The following FASTKD1 variants were observed in gnomAD, a reference collection of about 807,000 sequenced individuals.
FASTKD1 encodes the protein FAST kinase domains 1.
In FASTKD1, 94 loss-of-function variants were observed where a neutral mutation model predicts 90.9. The ratio of observed to expected loss-of-function variants is 1.03; its 90% CI spans 0.88 to 1.23. FASTKD1 has a LOEUF of 1.23. Among genes scored for constraint, FASTKD1 ranks in the 50% most tolerant of loss-of-function variants. The pLI, the probability that FASTKD1 is intolerant of heterozygous loss-of-function variation, is 0.00. For missense variants in FASTKD1, 945 were observed against 993.5 expected (o/e 0.95, Z 0.66); for synonymous variants, 319 against 345.8 (o/e 0.92, Z 0.86).
At chr2:169,544,334 C>T (rs960931469) in intron 9 of FASTKD1, among the ~76,000 whole-genome samples, 3 of 152,146 alleles carry the variant, frequency 2.0e-5, no homozygotes, top group Non-Finnish European at 4.4e-5. Context: ...CTTTGGGAAG[C>T]CTTGGCGGGT....
At chr2:169,558,709 C>T (rs1683441980) in intron 5 of FASTKD1, among the ~76,000 whole-genome samples, 1 of 152,126 alleles carries the variant, frequency 6.6e-6, no homozygotes, top group Admixed American at 6.6e-5. Context: ...CCTCAGCCTC[C>T]CAAGGTGCTG....
At chr2:169,530,763 C>A in intron 13 of FASTKD1, 62 bp from the exon 14 acceptor site, 1 of 881,484 alleles carries the variant, frequency 1.1e-6, no homozygotes, top group East Asian at 2.5e-5. Flanking sequence ...TAATTACAAG[C>A]TTTTCAGAAA....
intron 12 of FASTKD1, 156 bp downstream of exon 12, chr2:169,537,071 A>G (rs1275341798): frequency 2.1e-6 from 1 of 476,578 alleles, no homozygotes; most frequent in East Asian, 3.9e-5. Context: ...TTGAGGATTT[A>G]TTCTATTGCT....
chr2:169,570,543 T>C (rs1299404006), intron 2 of FASTKD1, among the ~76,000 whole-genome samples: 4 of 152,302 alleles, frequency 2.6e-5, no homozygotes, highest in African/African-American at 9.6e-5. Context: ...TTAAGGGCTA[T>C]TATTGAGAAA....
Position 169,554,814 on chromosome 2 carries a change from C to T in FASTKD1, c.1214+310G>A, listed in dbSNP as rs184829520. ...ATGCTCCCAAATGGAGTTTAACTTT[C>T]GTCAGCAGTCCCAATCTTTTCATGG... On this transcript the variant is annotated intron_variant, in intron 7 of 14. Coordinates refer to ENST00000453153, the MANE Select transcript of FASTKD1 (RefSeq NM_024622.6). Among the ~76,000 whole-genome samples the T allele has an allele frequency of 9.2e-5, 14 of 152,282 alleles. No homozygotes were observed. In the East Asian group the frequency reaches 2.7e-3, roughly 29 times the overall value.
chr2:169,532,121 T>C lies in FASTKD1; in HGVS notation c.2189-631A>G, dbSNP rs139758287. On this transcript the variant is annotated intron_variant, in intron 12 of 14. Coordinates refer to ENST00000453153, the MANE Select transcript of FASTKD1 (RefSeq NM_024622.6). Reference sequence around the variant, plus strand: ...ATACGAACCCACTGATGAGTCTTAATGTATAAAAGACAACCAGGCCAGGCA... The same window carrying C: ...ATACGAACCCACTGATGAGTCTTAACGTATAAAAGACAACCAGGCCAGGCA... Among the ~76,000 whole-genome samples, 919 of 152,224 alleles carry C rather than the reference T, an allele frequency of 6.0e-3. 7 individuals are homozygous for C. Among genetic ancestry groups the C allele is most frequent in the African/African-American group, 0.021 (886 of 41,542 alleles).
chr2:169,543,490 T>G (rs1177382298), intron 9 of FASTKD1, among the ~76,000 whole-genome samples: 2 of 152,032 alleles, frequency 1.3e-5, no homozygotes, highest in Non-Finnish European at 2.9e-5. Flanking sequence ...AAAGATAATT[T>G]GGTGACTCGG....
At chr2:169,543,070 T>C (rs1479277421) in intron 9 of FASTKD1, among the ~76,000 whole-genome samples, 4 of 152,152 alleles carry the variant, frequency 2.6e-5, no homozygotes, top group African/African-American at 9.7e-5. Flanking sequence ...AAATCCAGAA[T>C]GTGGCACAAT....
chr2:169,554,595 C>T (rs1262696969), intron 7 of FASTKD1, among the ~76,000 whole-genome samples: 7 of 112,646 alleles, frequency 6.2e-5, no homozygotes, highest in Admixed American at 1.6e-4. Context: ...ACTGGGGAGG[C>T]GGAGGTTGCA....
At chr2:169,538,452 G>A (rs1187891054) in intron 10 of FASTKD1, among the ~76,000 whole-genome samples, 6 of 151,706 alleles carry the variant, frequency 4.0e-5, no homozygotes, top group South Asian at 4.2e-4. Flanking sequence ...TGAGGTGGGC[G>A]GATCACCTGA....
intron 4 of FASTKD1, among the ~76,000 whole-genome samples, chr2:169,561,065 G>A (rs553241878): frequency 5.3e-5 from 8 of 151,048 alleles, no homozygotes; most frequent in African/African-American, 1.2e-4. Flanking sequence ...TTGGGAGGCC[G>A]AGGTGGGCAG....
rs763315607 is a variant in FASTKD1, at chr2:169,546,524, A to T, written c.1395T>A (p.Asp465Glu). 6.2e-7 allele frequency: 1 copy of T among 1,614,128 alleles called. No homozygotes were observed. Among genetic ancestry groups the T allele is most frequent in the Non-Finnish European group, 8.5e-7 (1 of 1,180,024 alleles). ...CAGTCATATTATCCAAATACATGTG[A>T]TCATGCTGAATCCATCTTAAAACAG... Reference protein sequence around the residue: ...ATSVLRWIQHDHMYLDNMTAK... With the variant: ...ATSVLRWIQHEHMYLDNMTAK... The change falls in exon 8 of 15, where the codon GAT becomes GAA. Residue 465 changes from aspartate (D) to glutamate (E), a missense_variant. Transcript: ENST00000453153.
intron 7 of FASTKD1, among the ~76,000 whole-genome samples, chr2:169,548,210 G>T (rs1364305792): frequency 6.6e-6 from 1 of 151,922 alleles, no homozygotes; most frequent in Non-Finnish European, 1.5e-5. Context: ...GAAAGAACTT[G>T]GGTTCAATTT....
At chr2:169,538,917 G>A (rs531209137) in intron 10 of FASTKD1, among the ~76,000 whole-genome samples, 1 of 152,152 alleles carries the variant, frequency 6.6e-6, no homozygotes, top group South Asian at 2.1e-4. Flanking sequence ...AATATAGTTA[G>A]ATGGAAAAAG....
chr2:169,563,831 C>T (rs955998090), intron 3 of FASTKD1, among the ~76,000 whole-genome samples: 1 of 152,128 alleles, frequency 6.6e-6, no homozygotes, highest in African/African-American at 2.4e-5. Flanking sequence ...CCCGAATGTC[C>T]ATCAAGAGTA....
chr2:169,531,241 C>T (rs760386848), intron 13 of FASTKD1, 111 bp downstream of exon 13: 1 of 1,107,866 alleles, frequency 9.0e-7, no homozygotes, highest in Non-Finnish European at 1.4e-6. Flanking sequence ...GAATGCATGA[C>T]ATATGAGGAA....
intron 2 of FASTKD1, among the ~76,000 whole-genome samples, chr2:169,570,451 C>T (rs1169429655): frequency 6.6e-6 from 1 of 151,998 alleles, no homozygotes; most frequent in African/African-American, 2.4e-5. Flanking sequence ...TTACGTAATA[C>T]CTATCAACCA....
At chr2:169,540,020 T>C in intron 10 of FASTKD1, 31 bp downstream of exon 10, 1 of 1,373,060 alleles carries the variant, frequency 7.3e-7, no homozygotes, top group Non-Finnish European at 1.0e-6. Flanking sequence ...GTACAACAGA[T>C]AATTAAATAA....
At chr2:169,561,804 TTAA>T in intron 4 of FASTKD1, among the ~76,000 whole-genome samples, 1 of 140,118 alleles carries the variant, frequency 7.1e-6, no homozygotes, top group African/African-American at 2.8e-5. Context: ...AAATTATTTA[TTAA>T]TTTATTGTAA....
Sources: gnomAD v4.1 joint callset for allele counts (sites outside exome capture counted in the v4.1 genomes callset) on GRCh38, gnomAD v4.1.1 for gene constraint, MANE v1.5 for transcripts, NCBI Gene and HGNC (gene_info 2026-07-23, HGNC 2026-07-21) for gene names.